The following PCCA variants were observed in gnomAD, a reference collection of about 807,000 sequenced individuals.
The protein encoded by PCCA is propionyl-CoA carboxylase alpha chain, mitochondrial.
Under a neutral mutation model 101.3 loss-of-function variants are expected in PCCA, and 74 were observed. The ratio of observed to expected loss-of-function variants is 0.73; its 90% CI spans 0.61 to 0.89. PCCA has a LOEUF of 0.89. Ranked by LOEUF, PCCA falls within the 40% of genes least tolerant of loss-of-function variation. The pLI is 0.00. For synonymous variants in PCCA, 294 were observed against 313.6 expected, an observed-to-expected ratio of 0.94 and a Z score of 0.66; for missense variants, 891 against 907.0, an observed-to-expected ratio of 0.98 and a Z score of 0.23.
At chr13:100,367,642 T>C (rs117989585) in intron 18 of PCCA, among the ~76,000 whole-genome samples, 13 of 150,922 alleles carry the variant, frequency 8.6e-5, no homozygotes, top group Non-Finnish European at 1.3e-4. Flanking sequence ...TAGTTTTTTT[T>C]TTGTTTTTTT....
chr13:100,422,110 C>CTT (rs754037378), intron 19 of PCCA, among the ~76,000 whole-genome samples: 2 of 116,112 alleles, frequency 1.7e-5, no homozygotes, highest in Non-Finnish European at 3.6e-5. Context: ...TTCTTTCTTT[C>CTT]TTTCTTTCTT....
chr13:100,129,406 C>CT (rs2050273177), intron 4 of PCCA, among the ~76,000 whole-genome samples: 1 of 152,156 alleles, frequency 6.6e-6, no homozygotes, highest in Non-Finnish European at 1.5e-5. Context: ...TTCATAGGCT[C>CT]TTTTTTCTGG....
intron 8 of PCCA, among the ~76,000 whole-genome samples, chr13:100,247,131 C>T (rs554574517): frequency 1.3e-5 from 2 of 151,746 alleles, no homozygotes; most frequent in East Asian, 3.9e-4. Flanking sequence ...TGGTCTCGAA[C>T]TCCTGACCTC....
intron 8 of PCCA, among the ~76,000 whole-genome samples, chr13:100,238,606 A>T (rs76078907): frequency 6.6e-6 from 1 of 152,298 alleles, no homozygotes; most frequent in Non-Finnish European, 1.5e-5. Flanking sequence ...AAAATAAACC[A>T]TAAAGAACTA....
intron 4 of PCCA, among the ~76,000 whole-genome samples, chr13:100,120,065 G>C (rs1424218947): frequency 1.3e-5 from 2 of 151,796 alleles, no homozygotes; most frequent in Admixed American, 6.6e-5. Context: ...GTTTCACCAT[G>C]TTGGCCAGGC....
intron 7 of PCCA, among the ~76,000 whole-genome samples, chr13:100,226,628 A>G (rs1464787636): frequency 1.3e-5 from 2 of 152,160 alleles, no homozygotes; most frequent in Non-Finnish European, 2.9e-5. Flanking sequence ...AGTGCATTAT[A>G]AGAGAGGAAG....
chr13:100,313,931 G>A (rs1233721580), intron 16 of PCCA, among the ~76,000 whole-genome samples: 4 of 151,920 alleles, frequency 2.6e-5, no homozygotes, highest in South Asian at 4.1e-4. Flanking sequence ...CTTGTCCCTC[G>A]GAGTCTTTTT....
chr13:100,255,733 G>C (rs2062032234), intron 8 of PCCA, among the ~76,000 whole-genome samples: 1 of 152,066 alleles, frequency 6.6e-6, no homozygotes, highest in East Asian at 1.9e-4. Context: ...TTGTTATTGT[G>C]AATGAGACAA....
chr13:100,360,596 C>G (rs915435011), intron 18 of PCCA, among the ~76,000 whole-genome samples: 3 of 152,098 alleles, frequency 2.0e-5, no homozygotes, highest in Non-Finnish European at 4.4e-5. Context: ...TAAAAACTTC[C>G]ATTAAAACTG....
intron 19 of PCCA, among the ~76,000 whole-genome samples, chr13:100,405,769 C>CTTTTTTTTTT (rs34906541): frequency 8.6e-6 from 1 of 116,400 alleles, no homozygotes. Context: ...AAGTGACATT[C>CTTTTTTTTTT]TTTTTTTTTT....
intron 22 of PCCA, among the ~76,000 whole-genome samples, chr13:100,523,027 G>A (rs932510335): frequency 1.4e-4 from 21 of 152,178 alleles, no homozygotes; most frequent in South Asian, 6.2e-4. Context: ...TTTTTCCCCC[G>A]TTCTCTTCTT....
At chr13:100,227,662 C>T (rs117629298) in intron 7 of PCCA, among the ~76,000 whole-genome samples, 3 of 152,124 alleles carry the variant, frequency 2.0e-5, no homozygotes, top group African/African-American at 7.2e-5. Context: ...CTTTCCCCAT[C>T]GGTGCTCAAA....
chr13:100,260,815 A>G (rs2062447384), intron 9 of PCCA, among the ~76,000 whole-genome samples: 1 of 151,978 alleles, frequency 6.6e-6, no homozygotes, highest in Non-Finnish European at 1.5e-5. Flanking sequence ...TATGACAAGG[A>G]TTATCATTAA....
At chr13:100,146,357 A>C (rs1357352525) in intron 4 of PCCA, among the ~76,000 whole-genome samples, 1 of 151,842 alleles carries the variant, frequency 6.6e-6, no homozygotes, top group Non-Finnish European at 1.5e-5. Context: ...CAGACGGATC[A>C]CGGGGTCAGG....
intron 6 of PCCA, among the ~76,000 whole-genome samples, chr13:100,191,071 C>CAG (rs545438194): frequency 3.3e-5 from 5 of 152,240 alleles, no homozygotes; most frequent in Middle Eastern, 3.4e-3. Flanking sequence ...GCCTGGGCAA[C>CAG]AGAGAGAGAG....
chr13:100,428,355 C>T (rs1347142707), intron 20 of PCCA, among the ~76,000 whole-genome samples: 2 of 144,066 alleles, frequency 1.4e-5, no homozygotes, highest in Non-Finnish European at 3.1e-5. Flanking sequence ...CACCCCCACC[C>T]CCCCCACACC....
chr13:100,327,991 A>G (rs932351126), intron 16 of PCCA, among the ~76,000 whole-genome samples: 4 of 152,188 alleles, frequency 2.6e-5, no homozygotes, highest in Admixed American at 6.5e-5. Context: ...TGGGAGGCCA[A>G]GGTGGGTGGA....
intron 7 of PCCA, among the ~76,000 whole-genome samples, chr13:100,218,205 C>A (rs1338216134): frequency 6.6e-6 from 1 of 151,958 alleles, no homozygotes; most frequent in Non-Finnish European, 1.5e-5. Flanking sequence ...GATGGTATTT[C>A]ACTCTTGTTG....
intron 6 of PCCA, among the ~76,000 whole-genome samples, chr13:100,195,890 G>A (rs2058074974): frequency 6.6e-6 from 1 of 152,126 alleles, no homozygotes; most frequent in African/African-American, 2.4e-5. Context: ...TGAAGAATGT[G>A]AGGCTTACCC....
Sources: allele counts gnomAD v4.1 joint callset (sites outside exome capture counted in the v4.1 genomes callset), GRCh38; gene constraint gnomAD v4.1.1; transcripts MANE v1.5; gene names NCBI Gene and HGNC (gene_info 2026-07-23, HGNC 2026-07-21).